Variants in ARHGEF2 observed in about 807,000 individuals in gnomAD.
ARHGEF2 encodes the protein Rho/Rac guanine nucleotide exchange factor 2.
ARHGEF2 carries 22 observed loss-of-function variants against 121.0 expected under a neutral mutation model. The ratio of observed to expected loss-of-function variants is 0.18; its 90% CI spans 0.13 to 0.26. The LOEUF (loss-of-function observed/expected upper bound fraction) is 0.26. ARHGEF2 is among the 10% of genes least tolerant of loss of function. The pLI is 1.00. For synonymous variants in ARHGEF2, 487 were observed against 530.0 expected (o/e 0.92, Z 1.11); for missense variants, 907 against 1,336.0 (o/e 0.68, Z 5.01).
At chr1:155,957,038 TAAAA>T (rs911625922) in intron 13 of ARHGEF2, among the ~76,000 whole-genome samples, 1 of 141,268 alleles carries the variant, frequency 7.1e-6, no homozygotes, top group Non-Finnish European at 1.6e-5. Flanking sequence ...CAAAAAAAAT[TAAAA>T]AAAAAAAAGA....
At position 155,965,049 on chromosome 1, in the gene ARHGEF2, C is replaced by G; in HGVS notation, c.663G>C (p.Val221=). The G allele has an allele frequency of 1.9e-6, 3 of 1,614,164 alleles. No homozygotes were observed. The highest frequency in any genetic ancestry group is 2.5e-6 in the Non-Finnish European group (3 of 1,180,028). ...DFAADSWSLA[V]DSSFLQQHKK... ...TATGCTGCTGCAGGAAGCTGCTGTC[C>G]ACAGCAAGACTCCAAGAGTCAGCTG... The change falls in exon 7 of 22, where the codon GTG becomes GTC. Residue 221 remains valine, a synonymous_variant. Coordinates refer to ENST00000361247, the MANE Select transcript of ARHGEF2 (RefSeq NM_001162383.2). This position sits in a 1 kb window ranked among gnomAD's most constrained non-coding sequence, Gnocchi z 6.0.
intron 14 of ARHGEF2, among the ~76,000 whole-genome samples, chr1:155,953,140 C>T (rs570471093): frequency 1.3e-5 from 2 of 151,726 alleles, no homozygotes; most frequent in South Asian, 2.1e-4. Flanking sequence ...TGGCACGCGC[C>T]TGTAGTCCCA....
In ARHGEF2 at chr1:155,978,094, A is replaced by T; in HGVS notation, c.63+271T>A. 8.2e-7 allele frequency: 1 copy of T among 1,213,332 alleles called. No homozygotes were observed. Among genetic ancestry groups the T allele is most frequent in the African/African-American group, 1.6e-5 (1 of 63,658 alleles). The allele number at this position is 1,213,332 out of a possible 1,614,324, so 75.2% of individuals were successfully genotyped here. A position where few individuals can be genotyped will look rare whatever the true frequency, so the allele number is the denominator to read the frequency against. On this transcript the variant is annotated intron_variant, in intron 1 of 21. Coordinates refer to ENST00000361247, the MANE Select transcript of ARHGEF2 (RefSeq NM_001162383.2). The surrounding 1 kb of genome is among the most constrained non-coding windows in gnomAD (Gnocchi z 4.1). ...GAGCAACTTTCTTTCAAGCGGCCTA[A>T]AGCACTCGGTCCCGCCGGCTTGGAG... is the stretch of plus-strand genomic sequence containing the variant.
chr1:155,951,035 C>T lies in ARHGEF2; in HGVS notation c.2497G>A (p.Gly833Ser), dbSNP rs1488207311. ...TCCCGGAGCCGGGCCTCCAGGCTGC[C>T]AGCTTCGGTTGCCCGTTCTTCACCT... ...RLGEERATEAGSLEARLRESE... is the reference protein window; with the variant it reads ...RLGEERATEASSLEARLRESE... Residue 833 changes from glycine (G) to serine (S), a missense_variant, in exon 20 of 22, where the codon GGC (glycine) becomes AGC (serine). Gly to Ser is a moderately conservative substitution (Grantham distance 56, BLOSUM62 0). This residue lies in a region of ARHGEF2 where 432 missense variants were observed against 559.5 expected (regional missense o/e 0.77). Coordinates refer to ENST00000361247, the MANE Select transcript of ARHGEF2 (RefSeq NM_001162383.2). This position sits in a 1 kb window ranked among gnomAD's most constrained non-coding sequence, Gnocchi z 5.1. 8 of 1,603,228 alleles carry T rather than the reference C, an allele frequency of 5.0e-6. No individual in the cohort carries two copies. The highest frequency in any genetic ancestry group is 6.8e-6 in the Non-Finnish European group (8 of 1,176,620).
chr1:155,965,342 G>T lies in ARHGEF2; in HGVS notation c.541C>A (p.Arg181=), dbSNP rs1329038860. 1.9e-6 allele frequency: 3 copies of T among 1,614,016 alleles called. No homozygotes were observed. Among genetic ancestry groups the T allele is most frequent in the East Asian group, 4.5e-5 (2 of 44,902 alleles). Residue 181 remains arginine, a synonymous_variant, in exon 6 of 22, where the codon CGG becomes AGG. Transcript: ENST00000361247. This position sits in a 1 kb window ranked among gnomAD's most constrained non-coding sequence, Gnocchi z 6.0. ...LSQSTDSLNM[R]NRTLSVESLI... is the part of the protein sequence containing the mutation. ...GATTCCACGGATAGGGTTCGGTTCC[G>T]CATGTTGAGGGAGTCTGTGGACTGT...
intron 13 of ARHGEF2, among the ~76,000 whole-genome samples, chr1:155,957,047 AAAAG>A (rs944431404): frequency 7.2e-5 from 11 of 152,144 alleles, no homozygotes; most frequent in East Asian, 5.8e-4. Flanking sequence ...TTAAAAAAAA[AAAAG>A]AAAGAAAACC....
intron 11 of ARHGEF2, among the ~76,000 whole-genome samples, chr1:155,960,131 G>A (rs1220664504): frequency 6.6e-6 from 1 of 152,054 alleles, no homozygotes; most frequent in African/African-American, 2.4e-5. Flanking sequence ...ACTGAGGGAG[G>A]AAACAAAGAT....
chr1:155,950,422 A>T lies in ARHGEF2; in HGVS notation c.2764T>A (p.Phe922Ile). 6.2e-7 allele frequency: 1 copy of T among 1,614,056 alleles called. No individual in the cohort carries two copies. ...PVTTRSVHRN[F>I]EDRERQELGS... ...AGTTCCTGCCTCTCTCGGTCCTCAA[A>T]GTTTCGATGGACAGAGCGAGTAGTG... Residue 922 changes from phenylalanine (F) to isoleucine (I), a missense_variant, in exon 21 of 22, where the codon TTT becomes ATT. Physicochemically the swap from Phe to Ile is conservative, Grantham distance 21. Coordinates refer to ENST00000361247, the MANE Select transcript of ARHGEF2 (RefSeq NM_001162383.2). This position sits in a 1 kb window ranked among gnomAD's most constrained non-coding sequence, Gnocchi z 5.2.
rs768478049 is a variant in ARHGEF2 at position 155,962,251 on chromosome 1, C to T, written c.1102-29G>A. On this transcript the variant is annotated intron_variant, in intron 9 of 21. Transcript: ENST00000361247. This position sits in a 1 kb window ranked among gnomAD's most constrained non-coding sequence, Gnocchi z 5.8. ...CAAGGGAGGAGGCAGGGCTCAGGGC[C>T]AGAGGGGAGGGCAACAGAAAGGCCT... 10 of 1,603,888 alleles carry T rather than the reference C, an allele frequency of 6.2e-6. No homozygotes were observed. The highest frequency in any genetic ancestry group is 1.7e-5 in the Admixed American group (1 of 59,938).
upstream of ARHGEF2, chr1:155,978,733 C>T: frequency 1.3e-6 from 1 of 776,074 alleles, no homozygotes; most frequent in Non-Finnish European, 1.7e-6. This position sits in a 1 kb window ranked among gnomAD's most constrained non-coding sequence, Gnocchi z 4.1. Flanking sequence ...GGCCCCTCTG[C>T]CTATTTCCCC....
chr1:155,962,263 C>T lies in ARHGEF2; in HGVS notation c.1102-41G>A. On this transcript the variant is annotated intron_variant, in intron 9 of 21. Transcript: ENST00000361247. This position sits in a 1 kb window ranked among gnomAD's most constrained non-coding sequence, Gnocchi z 5.8. ...CAGGGCTCAGGGCCAGAGGGGAGGG[C>T]AACAGAAAGGCCTGGGGCCTGAGCT... 1.3e-6 allele frequency: 2 copies of T among 1,586,496 alleles called. No homozygotes were observed. The highest frequency in any genetic ancestry group is 1.7e-6 in the Non-Finnish European group (2 of 1,157,026).
In ARHGEF2 at chr1:155,971,280, T is replaced by C. The variant is rs1680403497; in HGVS notation, c.64-1980A>G. 2.0e-5 allele frequency among the ~76,000 whole-genome samples: 3 copies of C among 152,052 alleles called. No individual in the cohort carries two copies. The South Asian group carries it at 6.2e-4, about 32-fold the overall frequency. ...TATCTTGCACCAAATTATACCTCTT[T>C]AGAAGTTCAAATTCAGGCTGGGTGC... is the stretch of plus-strand genomic sequence containing the variant. On this transcript the variant is annotated intron_variant, in intron 1 of 21. Coordinates refer to ENST00000361247, the MANE Select transcript of ARHGEF2 (RefSeq NM_001162383.2).
At chr1:155,960,607 C>T (rs1370839631) in intron 11 of ARHGEF2, among the ~76,000 whole-genome samples, 2 of 152,094 alleles carry the variant, frequency 1.3e-5, no homozygotes, top group Non-Finnish European at 2.9e-5. Context: ...TATTTTTAAT[C>T]CCCCATGGTT....
intron 2 of ARHGEF2, 93 bp from the exon 3 acceptor site, chr1:155,966,980 C>A: frequency 7.9e-7 from 1 of 1,262,390 alleles, no homozygotes. Flanking sequence ...CCTGGCCACA[C>A]AGTCCTCGGG....
rs775701896 is a variant in ARHGEF2 at position 155,962,664 on chromosome 1, G to T, written c.1030C>A (p.Arg344Ser). 2.5e-6 allele frequency: 4 copies of T among 1,614,114 alleles called. No homozygotes were observed. The highest frequency in any genetic ancestry group is 3.4e-6 in the Non-Finnish European group (4 of 1,180,026). ...TAGAGCTTTAAGGCCTTGCTGTGGC[G>T]GCTGCAGAACTCCGAGTAGGTCTTA... ...MCKTYSEFCS[R>S]HSKALKLYKE... The change falls in exon 9 of 22, where the codon CGC becomes AGC. Residue 344 changes from arginine to serine, a missense_variant. This residue lies in a region of ARHGEF2 where 475 missense variants were observed against 776.5 expected (regional missense o/e 0.61). Transcript: ENST00000361247. The surrounding 1 kb of genome is among the most constrained non-coding windows in gnomAD (Gnocchi z 5.8).
At position 155,978,194 on chromosome 1, in the gene ARHGEF2, AC is replaced by A. The variant is rs1433848205; in HGVS notation, c.63+170del. On this transcript the variant is annotated intron_variant, in intron 1 of 21. Coordinates refer to ENST00000361247, the MANE Select transcript of ARHGEF2 (RefSeq NM_001162383.2). This position sits in a 1 kb window ranked among gnomAD's most constrained non-coding sequence, Gnocchi z 4.1. ...CGCGTCTGCCGCTCCCCCCACCCCTACCCACTCGCTCGCAGTCCCCACCCAC... is the reference window on the plus strand; with the variant it reads ...CGCGTCTGCCGCTCCCCCCACCCCTACCACTCGCTCGCAGTCCCCACCCAC... The A allele has an allele frequency of 7.7e-7, 1 of 1,294,950 alleles. No homozygotes were observed. Among genetic ancestry groups the A allele is most frequent in the East Asian group, 3.4e-5 (1 of 29,486 alleles). 80.2% of individuals were successfully genotyped at this position (1,294,950 alleles called of 1,614,324 possible).
rs959295404 is a variant in ARHGEF2, at chr1:155,947,703, G to C, written c.*239C>G. On this transcript the variant is annotated 3_prime_UTR_variant, in exon 22 of 22. Transcript: ENST00000361247. ...AATAAATAAATTTTCCTAAAGTTGC[G>C]GGAAGAAGGCATGAACCACTGGCAT... 1 of 525,594 alleles carries C rather than the reference G, an allele frequency of 1.9e-6. No individual in the cohort carries two copies. Among genetic ancestry groups the C allele is most frequent in the Non-Finnish European group, 3.4e-6 (1 of 294,918 alleles). The allele number at this position is 525,594 out of a possible 1,614,324, so 32.6% of individuals were successfully genotyped here.
intron 1 of ARHGEF2, among the ~76,000 whole-genome samples, chr1:155,977,295 T>C (rs796447568): frequency 9.2e-5 from 14 of 152,208 alleles, no homozygotes; most frequent in African/African-American, 3.4e-4. Context: ...CTCTGACTTA[T>C]TCACCTGCAA....
Position 155,961,274 on chromosome 1 carries a change from C to CTT in ARHGEF2, c.1468+385_1468+386dup, listed in dbSNP as rs926226291. On this transcript the variant is annotated intron_variant, in intron 11 of 21. Coordinates refer to ENST00000361247, the MANE Select transcript of ARHGEF2 (RefSeq NM_001162383.2). This position sits in a 1 kb window ranked among gnomAD's most constrained non-coding sequence, Gnocchi z 4.7. ...TGGGCTGCATAAAGGGAGGTTGATT[C>CTT]TTTTTTTTTTTTTTTTTTGAGATGG... Among the ~76,000 whole-genome samples the CTT allele has an allele frequency of 1.1e-4, 15 of 131,366 alleles. No individual in the cohort carries two copies. The highest frequency in any genetic ancestry group is 3.1e-4 in the Admixed American group (4 of 13,112). 86.2% of individuals were successfully genotyped at this position (131,366 alleles called of 152,430 possible). A position where few individuals can be genotyped will look rare whatever the true frequency, so the allele number is the denominator to read the frequency against.
Sources: gnomAD v4.1 joint callset for allele counts (sites outside exome capture counted in the v4.1 genomes callset) on GRCh38, gnomAD v4.1.1 for gene constraint, gnomAD v4.1.1 regional missense constraint, Gnocchi (gnomAD v3.1) non-coding constraint, MANE v1.5 for transcripts, NCBI Gene and HGNC (gene_info 2026-07-23, HGNC 2026-07-21) for gene names.